The following IMPG1 variants were observed in gnomAD, a reference collection of about 807,000 sequenced individuals.
IMPG1 encodes the protein interphotoreceptor matrix proteoglycan of 150 kDa.
IMPG1 carries 85 observed loss-of-function variants against 92.0 expected under a neutral mutation model. The ratio of observed to expected loss-of-function variants is 0.92; its 90% CI spans 0.78 to 1.11. The LOEUF is 1.11. Among genes scored for constraint, IMPG1 ranks in the 50% least tolerant of loss-of-function variants. The pLI, the probability that IMPG1 is intolerant of heterozygous loss-of-function variation, is 0.00. For synonymous variants in IMPG1, 367 were observed against 334.1 expected, an observed-to-expected ratio of 1.10 and a Z score of -1.08; for missense variants, 1,022 against 956.0, an observed-to-expected ratio of 1.07 and a Z score of -0.91.
intron 1 of IMPG1, among the ~76,000 whole-genome samples, chr6:76,062,855 GTTT>G (rs34696512): frequency 0.041 from 5,975 of 144,096 alleles, 309 homozygotes; most frequent in African/African-American, 0.13. Context: ...AGCAAGTTAG[GTTT>G]TTTTTTTTTT....
At position 76,054,388 on chromosome 6, in the gene IMPG1, AG is replaced by A. The variant is rs527509022; in HGVS notation, c.68-12263del. Among the ~76,000 whole-genome samples, 518 of 152,238 alleles carry A rather than the reference AG, an allele frequency of 3.4e-3. 2 individuals carry two copies. The highest frequency in any genetic ancestry group is 5.4e-3 in the Admixed American group (83 of 15,284). On this transcript the variant is annotated intron_variant, in intron 1 of 16. Coordinates refer to ENST00000369950, the MANE Select transcript of IMPG1 (RefSeq NM_001563.4). Reference sequence around the variant, plus strand: ...AAATTTCAGATAAATTTTCAGTAAAAGTATGTCCCATGGAATATTTGGGACA... The same window carrying A: ...AAATTTCAGATAAATTTTCAGTAAAATATGTCCCATGGAATATTTGGGACA...
At chr6:76,052,344 C>A (rs1216967622) in intron 1 of IMPG1, among the ~76,000 whole-genome samples, 1 of 152,168 alleles carries the variant, frequency 6.6e-6, no homozygotes, top group African/African-American at 2.4e-5. Context: ...TTTCTCAAAG[C>A]TGACTAGTTT....
chr6:75,922,454 A>G (rs1781446131), intron 16 of IMPG1, among the ~76,000 whole-genome samples: 1 of 152,184 alleles, frequency 6.6e-6, no homozygotes. Flanking sequence ...ACCATAGTAG[A>G]CACCATTAGT....
intron 10 of IMPG1, 65 bp from the exon 11 acceptor site, chr6:76,004,015 A>G: frequency 8.1e-7 from 1 of 1,239,120 alleles, no homozygotes; most frequent in South Asian, 1.3e-5. Flanking sequence ...TGGGACAATA[A>G]AACAGTCCAG....
chr6:75,961,999 TAC>T (rs1782218433), intron 12 of IMPG1, among the ~76,000 whole-genome samples: 1 of 152,152 alleles, frequency 6.6e-6, no homozygotes, highest in African/African-American at 2.4e-5. Context: ...GACTTTGAAA[TAC>T]ACAGTTACCC....
intron 14 of IMPG1, among the ~76,000 whole-genome samples, chr6:75,938,810 T>TCAAAA (rs71002780): frequency 0.65 from 94,966 of 146,886 alleles, 31,580 homozygotes; most frequent in South Asian, 0.76. Flanking sequence ...AGGCTCCATC[T>TCAAAA]CAAAACAAAA....
chr6:76,026,097 C>T (rs1783526736), intron 4 of IMPG1, among the ~76,000 whole-genome samples: 1 of 151,062 alleles, frequency 6.6e-6, no homozygotes, highest in Non-Finnish European at 1.5e-5. Flanking sequence ...GCGGGAAGCA[C>T]TCTAGCAGGG....
At chr6:75,974,329 C>CT (rs1562354302) in intron 12 of IMPG1, among the ~76,000 whole-genome samples, 21 of 122,718 alleles carry the variant, frequency 1.7e-4, no homozygotes, top group African/African-American at 3.6e-4. Context: ...CTCTTTCTTT[C>CT]CCTTTCTTTC....
chr6:76,026,215 A>G (rs566355433), intron 4 of IMPG1, among the ~76,000 whole-genome samples: 6 of 152,260 alleles, frequency 3.9e-5, no homozygotes, highest in Admixed American at 3.9e-4. Context: ...CACCCTTCAA[A>G]CCATCTGCAA....
At chr6:75,943,155 TACC>T (rs1781862092) in intron 14 of IMPG1, among the ~76,000 whole-genome samples, 2 of 152,138 alleles carry the variant, frequency 1.3e-5, no homozygotes, top group South Asian at 4.2e-4. Context: ...TGCACCTGAC[TACC>T]ACGTGCTTTG....
intron 14 of IMPG1, among the ~76,000 whole-genome samples, chr6:75,940,046 C>G (rs954567356): frequency 6.6e-6 from 1 of 152,230 alleles, no homozygotes; most frequent in Non-Finnish European, 1.5e-5. Flanking sequence ...TTCTGCTCTT[C>G]TGTTTTGTGA....
chr6:75,923,829 G>T (rs1781473391), intron 15 of IMPG1, 123 bp from the exon 16 acceptor site: 1 of 593,078 alleles, frequency 1.7e-6, no homozygotes, highest in African/African-American at 1.9e-5. Flanking sequence ...GCATATTTTT[G>T]CAGGTGTCTT....
At chr6:76,054,257 C>T (rs1382462274) in intron 1 of IMPG1, among the ~76,000 whole-genome samples, 2 of 151,964 alleles carry the variant, frequency 1.3e-5, no homozygotes, top group African/African-American at 4.8e-5. Flanking sequence ...ACATTGTTAC[C>T]TGTTATTATG....
At chr6:76,012,948 C>CA (rs1352013161) in intron 7 of IMPG1, among the ~76,000 whole-genome samples, 1 of 152,072 alleles carries the variant, frequency 6.6e-6, no homozygotes, top group East Asian at 1.9e-4. Context: ...TCCCACCCCC[C>CA]ACATGCAGCC....
rs867353135 is a variant in IMPG1 at position 75,981,816 on chromosome 6, T to C, written c.1291+21102A>G. ...GAATGCAAGAGACTAATTCTAAATG[T>C]CTGTTTTTAAAAGATAGTTTAGAAG... On this transcript the variant is annotated intron_variant, in intron 12 of 16. Coordinates refer to ENST00000369950, the MANE Select transcript of IMPG1 (RefSeq NM_001563.4). 8.5e-5 allele frequency among the ~76,000 whole-genome samples: 13 copies of C among 152,348 alleles called. 1 individual carries two copies. Among genetic ancestry groups the C allele is most frequent in the South Asian group, 8.3e-4 (4 of 4,832 alleles).
intron 12 of IMPG1, among the ~76,000 whole-genome samples, chr6:75,970,194 A>T (rs1489158215): frequency 6.6e-6 from 1 of 152,180 alleles, no homozygotes; most frequent in African/African-American, 2.4e-5. Context: ...CTTGATGTTA[A>T]TTTTTGGAGT....
chr6:76,052,982 G>A (rs193110614), intron 1 of IMPG1, among the ~76,000 whole-genome samples: 49 of 152,152 alleles, frequency 3.2e-4, no homozygotes, highest in Non-Finnish European at 1.2e-4. Flanking sequence ...TCCTGCAGCT[G>A]GACTTTTCCA....
intron 1 of IMPG1, among the ~76,000 whole-genome samples, chr6:76,049,908 T>C (rs1202022768): frequency 6.6e-6 from 1 of 152,204 alleles, no homozygotes; most frequent in Non-Finnish European, 1.5e-5. Flanking sequence ...TATTTATTTA[T>C]TTATTTTCCT....
intron 12 of IMPG1, among the ~76,000 whole-genome samples, chr6:75,981,808 T>A (rs149622117): frequency 1.2e-4 from 18 of 152,338 alleles, no homozygotes; most frequent in Non-Finnish European, 2.5e-4. Context: ...AGAGACTAAT[T>A]CTAAATGTCT....
Sources: gnomAD v4.1 joint callset for allele counts (sites outside exome capture counted in the v4.1 genomes callset) on GRCh38, gnomAD v4.1.1 for gene constraint, MANE v1.5 for transcripts, NCBI Gene and HGNC (gene_info 2026-07-23, HGNC 2026-07-21) for gene names.